Variants in IQSEC3 observed in about 807,000 individuals in gnomAD.
IQSEC3 encodes the protein IQ motif and Sec7 domain ArfGEF 3.
IQSEC3 carries 50 observed loss-of-function variants against 105.4 expected under a neutral mutation model. The observed-to-expected ratio is 0.47, with a 90% CI of 0.38 to 0.60. The LOEUF (loss-of-function observed/expected upper bound fraction) is 0.60, where lower values mean the gene tolerates loss of function less well. Ranked by LOEUF, IQSEC3 falls within the 20% of genes least tolerant of loss-of-function variation. The pLI is 0.00. For missense variants in IQSEC3, 1,415 were observed against 1,630.0 expected (o/e 0.87, Z 2.27); for synonymous variants, 708 against 746.0 (o/e 0.95, Z 0.83).
intron 1 of IQSEC3, among the ~76,000 whole-genome samples, chr12:83,806 C>T (rs184753828): frequency 1.8e-4 from 27 of 152,176 alleles, no homozygotes; most frequent in East Asian, 1.2e-3. Flanking sequence ...CAGGGAGCCC[C>T]GGAGCGCCGT....
At chr12:134,385 T>C (rs1361997984) in intron 3 of IQSEC3, among the ~76,000 whole-genome samples, 1 of 152,224 alleles carries the variant, frequency 6.6e-6, no homozygotes, top group Non-Finnish European at 1.5e-5. Flanking sequence ...CATTGCCCAG[T>C]AGTACACGGA....
At chr12:142,923 G>A (rs561953836) in intron 5 of IQSEC3, among the ~76,000 whole-genome samples, 7 of 152,326 alleles carry the variant, frequency 4.6e-5, no homozygotes, top group Admixed American at 1.3e-4. Flanking sequence ...AGGCACCCCT[G>A]CTGTCTCTCT....
chr12:119,180 C>T lies in IQSEC3; in HGVS notation c.624-6453C>T, dbSNP rs566577591. On this transcript the variant is annotated intron_variant, in intron 2 of 13. Coordinates refer to ENST00000538872, the MANE Select transcript of IQSEC3 (RefSeq NM_001170738.2). ...GGCCTCACTCCACTCAGGCTCTCTT[C>T]CGTTTGCGTGAGGATTCCGTCAGTG... Among the ~76,000 whole-genome samples, 1,040 of 152,170 alleles carry T rather than the reference C, an allele frequency of 6.8e-3. 8 individuals carry two copies. The highest frequency in any genetic ancestry group is 0.01 in the Non-Finnish European group (693 of 67,998).
In IQSEC3 at chr12:135,272, C is replaced by G. The variant is rs561526468; in HGVS notation, c.904-2995C>G. 2.6e-5 allele frequency among the ~76,000 whole-genome samples: 4 copies of G among 152,312 alleles called. No homozygotes were observed. The South Asian group carries it at 8.3e-4, about 32-fold the overall frequency. ...CATTTCCCCTTGGGGAAGGACTTTC[C>G]TGCCTGAGCCAAAGCCAAGTCCCTA... is the stretch of plus-strand genomic sequence containing the variant. On this transcript the variant is annotated intron_variant, in intron 3 of 13. Transcript: ENST00000538872.
chr12:128,971 C>G (rs554630944), intron 3 of IQSEC3, among the ~76,000 whole-genome samples: 2 of 152,240 alleles, frequency 1.3e-5, no homozygotes, highest in Non-Finnish European at 2.9e-5. Flanking sequence ...TCCCGAATCT[C>G]AAGCCACCCT....
chr12:141,038 T>C (rs985095707), intron 4 of IQSEC3, 86 bp from the exon 5 acceptor site: 1 of 1,358,098 alleles, frequency 7.4e-7, no homozygotes. Context: ...AACCTCTGGG[T>C]ACTTCTATGG....
chr12:170,012 C>A (rs538710049), intron 12 of IQSEC3, among the ~76,000 whole-genome samples: 1 of 152,226 alleles, frequency 6.6e-6, no homozygotes, highest in African/African-American at 2.4e-5. Context: ...CCGCCACAGT[C>A]GGCCCTGAGT....
Position 165,330 on chromosome 12 carries a change from C to T in IQSEC3, c.2710-104C>T. On this transcript the variant is annotated intron_variant, in intron 9 of 13. Transcript: ENST00000538872. ...TCTGTACCTGTATGTGCACATTCAT[C>T]ACTGCGTGGGTTTGTGTGATCGTGC... 4.9e-6 allele frequency: 4 copies of T among 811,556 alleles called. No individual in the cohort carries two copies. The East Asian group carries it at 9.7e-5, about 20-fold the overall frequency. The allele number at this position is 811,556 out of a possible 1,614,324, so 50.3% of individuals were successfully genotyped here. A position where few individuals can be genotyped will look rare whatever the true frequency, so the allele number is the denominator to read the frequency against.
At chr12:157,404 T>C in intron 6 of IQSEC3, 124 bp from the exon 7 acceptor site, 1 of 1,183,174 alleles carries the variant, frequency 8.5e-7, no homozygotes, top group Non-Finnish European at 1.2e-6. Flanking sequence ...GGACAGACAC[T>C]GGTCTCCCTG....
At chr12:124,035 C>T (rs1465054352) in intron 2 of IQSEC3, among the ~76,000 whole-genome samples, 6 of 152,006 alleles carry the variant, frequency 3.9e-5, no homozygotes, top group African/African-American at 1.5e-4. Context: ...GGCTGGGGGA[C>T]GTAATGAAAT....
chr12:163,686 C>A (rs1448259705), intron 9 of IQSEC3, 67 bp downstream of exon 9: 2 of 942,106 alleles, frequency 2.1e-6, no homozygotes, highest in Non-Finnish European at 3.5e-6. Context: ...TCAGCCTGGG[C>A]AGGGTCCCTG....
chr12:162,610 C>T (rs905777629), intron 8 of IQSEC3, among the ~76,000 whole-genome samples: 16 of 152,186 alleles, frequency 1.1e-4, no homozygotes, highest in African/African-American at 3.6e-4. Context: ...ATATTCTTGC[C>T]TCAGGGGACG....
At chr12:135,682 C>A (rs916280200) in intron 3 of IQSEC3, among the ~76,000 whole-genome samples, 8 of 152,184 alleles carry the variant, frequency 5.3e-5, no homozygotes, top group African/African-American at 1.9e-4. Flanking sequence ...GAAGCTGAAG[C>A]CCCAGACAGA....
Position 125,497 on chromosome 12 carries a change from C to T in IQSEC3, c.624-136C>T, listed in dbSNP as rs939839543. Reference sequence around the variant, plus strand: ...CATGGTAGCCCCTCCCTAGAGGAGACTGTGAAAGACACCCCCTCCAGTCCT... The same window carrying T: ...CATGGTAGCCCCTCCCTAGAGGAGATTGTGAAAGACACCCCCTCCAGTCCT... On this transcript the variant is annotated intron_variant, in intron 2 of 13. Transcript: ENST00000538872. 5.8e-6 allele frequency: 5 copies of T among 868,236 alleles called. No individual in the cohort carries two copies. The African/African-American group carries it at 7.2e-5, about 13-fold the overall frequency. The allele number at this position is 868,236 out of a possible 1,614,324, so 53.8% of individuals were successfully genotyped here. A position where few individuals can be genotyped will look rare whatever the true frequency, so the allele number is the denominator to read the frequency against.
At chr12:160,853 G>T (rs150550816) in intron 7 of IQSEC3, among the ~76,000 whole-genome samples, 387 of 152,232 alleles carry the variant, frequency 2.5e-3, no homozygotes, top group African/African-American at 8.7e-3. Flanking sequence ...CAGGTCCTGG[G>T]GTGCCTGTGC....
chr12:139,139 C>T lies in IQSEC3; in HGVS notation c.1776C>T (p.Gly592=), dbSNP rs1231476534. 18 of 1,525,726 alleles carry T rather than the reference C, an allele frequency of 1.2e-5. No homozygotes were observed. The highest frequency in any genetic ancestry group is 2.5e-5 in the East Asian group (1 of 40,746). 94.5% of individuals were successfully genotyped at this position (1,525,726 alleles called of 1,614,324 possible). ...EVGRGAEAEA[G]DLEQLSSSST... is the part of the protein sequence containing the mutation. ...GGAGAGGGGCCGAGGCCGAGGCAGG[C>T]GACTTGGAGCAGCTGAGCAGCAGCA... Residue 592 remains glycine, a synonymous_variant, in exon 4 of 14, where the codon GGC becomes GGT. Coordinates refer to ENST00000538872, the MANE Select transcript of IQSEC3 (RefSeq NM_001170738.2).
chr12:167,216 A>G (rs2137061484), intron 11 of IQSEC3: 1 of 152,234 alleles, frequency 6.6e-6, no homozygotes, highest in Middle Eastern at 3.4e-3. Flanking sequence ...GTTTTTCTGG[A>G]GCATTTTCAA....
At chr12:161,422 G>T (rs1866885425) in intron 7 of IQSEC3, among the ~76,000 whole-genome samples, 1 of 152,090 alleles carries the variant, frequency 6.6e-6, no homozygotes. Context: ...TGCTCCCAGT[G>T]AGGGAGGAAT....
At chr12:122,142 G>A (rs1202662445) in intron 2 of IQSEC3, among the ~76,000 whole-genome samples, 1 of 152,138 alleles carries the variant, frequency 6.6e-6, no homozygotes, top group East Asian at 1.9e-4. Context: ...ACCTGAGAGG[G>A]CCCCAGTCTC....
Sources: allele counts gnomAD v4.1 joint callset (sites outside exome capture counted in the v4.1 genomes callset), GRCh38; gene constraint gnomAD v4.1.1; transcripts MANE v1.5; gene names NCBI Gene and HGNC (gene_info 2026-07-23, HGNC 2026-07-21).